WDR1: variants seen among roughly 807,000 people sequenced by gnomAD.
WDR1 encodes the protein WD repeat domain 1.
WDR1 carries 21 observed loss-of-function variants against 71.9 expected under a neutral mutation model. The observed-to-expected ratio is 0.29, with a 90% CI of 0.21 to 0.42. WDR1 has a LOEUF of 0.42. WDR1 is among the 10% of genes least tolerant of loss of function. The pLI is 1.00. For missense variants in WDR1, 696 were observed against 824.5 expected (o/e 0.84, Z 1.91); for synonymous variants, 424 against 347.4 (o/e 1.22, Z -2.45).
At chr4:10,075,619 C>T (rs576576922) in intron 14 of WDR1, 135 bp from the exon 15 acceptor site, 9 of 794,544 alleles carry the variant, frequency 1.1e-5, no homozygotes, top group Admixed American at 2.2e-5. Context: ...CGTTGTAACT[C>T]AGGAGCCTGG....
chr4:10,089,494 G>C (rs1022001478), intron 5 of WDR1, among the ~76,000 whole-genome samples: 16 of 147,744 alleles, frequency 1.1e-4, no homozygotes, highest in African/African-American at 3.9e-4. Flanking sequence ...ATGACTTCCA[G>C]GGGCGACTCT....
chr4:10,116,023 G>A (rs1168074239), intron 2 of WDR1, 90 bp downstream of exon 2: 2 of 1,519,682 alleles, frequency 1.3e-6, no homozygotes, highest in Non-Finnish European at 1.8e-6. Flanking sequence ...CGGGCCAATG[G>A]GCAGGAGGTG....
At chr4:10,098,460 T>A (rs1412087413) in intron 4 of WDR1, among the ~76,000 whole-genome samples, 1 of 152,178 alleles carries the variant, frequency 6.6e-6, no homozygotes, top group East Asian at 1.9e-4. Context: ...GGGGGGACTC[T>A]GACTCTCTTG....
chr4:10,080,759 G>A (rs1028122427), intron 11 of WDR1, among the ~76,000 whole-genome samples: 3 of 152,238 alleles, frequency 2.0e-5, no homozygotes, highest in African/African-American at 7.2e-5. Flanking sequence ...AGGTGTGCAG[G>A]TGGCCCCACT....
At chr4:10,089,485 T>C (rs1329561438) in intron 5 of WDR1, among the ~76,000 whole-genome samples, 1 of 148,840 alleles carries the variant, frequency 6.7e-6, no homozygotes, top group East Asian at 1.9e-4. Flanking sequence ...GGAAATGACA[T>C]GACTTCCAGG....
intron 5 of WDR1, chr4:10,092,882 C>T (rs963317766): frequency 2.4e-6 from 1 of 424,182 alleles, no homozygotes; most frequent in East Asian, 7.3e-5. Flanking sequence ...GGGGCTGCAG[C>T]AGTCTCAGTC....
chr4:10,095,284 G>A (rs1397356272), intron 5 of WDR1, among the ~76,000 whole-genome samples: 1 of 152,246 alleles, frequency 6.6e-6, no homozygotes, highest in Non-Finnish European at 1.5e-5. Context: ...CACAGCAAGT[G>A]GAACTTAATT....
rs747765059 is a variant in WDR1, at chr4:10,084,483, G to A, written c.999C>T (p.Gly333=). Residue 333 remains glycine, a synonymous_variant, in exon 9 of 15, where the codon GGC becomes GGT. Coordinates refer to ENST00000499869, the MANE Select transcript of WDR1 (RefSeq NM_017491.5). ...GGCTCCCAGAGTAAATGTAGGACTT[G>A]CCGCCGTTTTTATGCACCGTCAGAC... ...IQCLTVHKNG[G]KSYIYSGSHD... is the part of the protein sequence containing the mutation. 2.5e-6 allele frequency: 4 copies of A among 1,613,932 alleles called. No homozygotes were observed. Among genetic ancestry groups the A allele is most frequent in the African/African-American group, 1.3e-5 (1 of 75,038 alleles).
intron 1 of WDR1, 60 bp downstream of exon 1, chr4:10,116,591 C>G: frequency 8.7e-7 from 1 of 1,147,446 alleles, no homozygotes; most frequent in Non-Finnish European, 1.1e-6. Flanking sequence ...GCCTAGGGGC[C>G]GGGGACCGGG....
At chr4:10,079,715 G>A (rs1383164096) in intron 11 of WDR1, among the ~76,000 whole-genome samples, 1 of 152,184 alleles carries the variant, frequency 6.6e-6, no homozygotes, top group Non-Finnish European at 1.5e-5. Context: ...CTGTCATGAG[G>A]GAAGGCAGCC....
intron 5 of WDR1, chr4:10,094,658 G>C (rs984320097): frequency 3.9e-5 from 6 of 152,310 alleles, no homozygotes; most frequent in African/African-American, 1.4e-4. Context: ...TGTAACCCCG[G>C]AAGTTACTTC....
At chr4:10,085,750 C>T (rs755590191) in intron 8 of WDR1, among the ~76,000 whole-genome samples, 4 of 152,244 alleles carry the variant, frequency 2.6e-5, no homozygotes, top group African/African-American at 4.8e-5. Context: ...CAGCAGCCAG[C>T]GCTTTTTAGA....
intron 4 of WDR1, 104 bp from the exon 5 acceptor site, chr4:10,097,995 G>A (rs902597672): frequency 4.1e-6 from 5 of 1,227,622 alleles, no homozygotes; most frequent in Non-Finnish European, 5.5e-6. Flanking sequence ...ACAGAGGATG[G>A]AGTGACTGTC....
chr4:10,109,310 G>A (rs890967520), intron 2 of WDR1, among the ~76,000 whole-genome samples: 1 of 152,270 alleles, frequency 6.6e-6, no homozygotes, highest in East Asian at 1.9e-4. Flanking sequence ...GTCAAGGGAG[G>A]TAACAAATGC....
chr4:10,083,515 TG>T, intron 9 of WDR1: 1 of 483,678 alleles, frequency 2.1e-6, no homozygotes, highest in South Asian at 1.5e-5. Context: ...CTTTATGTTT[TG>T]GGGGCAGAGG....
chr4:10,106,485 C>G (rs973308205), intron 2 of WDR1: 1 of 152,286 alleles, frequency 6.6e-6, no homozygotes, highest in Non-Finnish European at 1.5e-5. Flanking sequence ...CTGCCCATCC[C>G]GCCAGACAGA....
At chr4:10,100,701 G>C (rs1037857009) in intron 3 of WDR1, among the ~76,000 whole-genome samples, 1 of 152,166 alleles carries the variant, frequency 6.6e-6, no homozygotes, top group African/African-American at 2.4e-5. Context: ...TGTGCTACCT[G>C]AGCTGAGTTC....
intron 14 of WDR1, chr4:10,077,077 G>A (rs1764826257): frequency 3.5e-6 from 2 of 568,756 alleles, no homozygotes; most frequent in Non-Finnish European, 3.1e-6. Context: ...CCTTCACTCA[G>A]CTCAGCAGGT....
At chr4:10,097,653 G>GC (rs1712424571) in intron 5 of WDR1, 58 bp downstream of exon 5, 1 of 1,548,478 alleles carries the variant, frequency 6.5e-7, no homozygotes, top group Admixed American at 1.8e-5. Flanking sequence ...AACAGGCTCA[G>GC]CCTCTGCTAG....
Sources: gnomAD v4.1 joint callset for allele counts (sites outside exome capture counted in the v4.1 genomes callset) on GRCh38, gnomAD v4.1.1 for gene constraint, MANE v1.5 for transcripts, NCBI Gene and HGNC (gene_info 2026-07-23, HGNC 2026-07-21) for gene names.